The following CTIF variants were observed in gnomAD, a reference collection of about 807,000 sequenced individuals.
CTIF encodes cap binding complex dependent translation initiation factor.
A neutral mutation model predicts 66.0 loss-of-function variants in CTIF; 21 were observed. The ratio of observed to expected loss-of-function variants is 0.32; its 90% CI spans 0.23 to 0.46. The LOEUF is 0.46. Ranked by LOEUF, CTIF falls within the 20% of genes least tolerant of loss-of-function variation. The pLI, the probability that CTIF is intolerant of heterozygous loss-of-function variation, is 1.00. For synonymous variants in CTIF, 345 were observed against 326.4 expected (o/e 1.06, Z -0.62); for missense variants, 739 against 812.7 (o/e 0.91, Z 1.10).
At chr18:48,710,901 G>A (rs1251469461) in intron 6 of CTIF, among the ~76,000 whole-genome samples, 14 of 152,170 alleles carry the variant, frequency 9.2e-5, no homozygotes, top group Admixed American at 8.5e-4. Context: ...GAGCTCAGGA[G>A]GTCAAGGCTG....
At chr18:48,830,553 A>G (rs1226555723) in intron 10 of CTIF, among the ~76,000 whole-genome samples, 2 of 152,212 alleles carry the variant, frequency 1.3e-5, no homozygotes, top group Non-Finnish European at 2.9e-5. Flanking sequence ...AAACAAAGAC[A>G]TGAAATAAAA....
intron 10 of CTIF, among the ~76,000 whole-genome samples, chr18:48,828,768 G>A (rs1235413340): frequency 2.6e-5 from 4 of 152,212 alleles, no homozygotes; most frequent in African/African-American, 7.2e-5. Context: ...ATAAATCCCT[G>A]TTCTCTGCGT....
At chr18:48,679,036 T>C (rs980607131) in intron 6 of CTIF, among the ~76,000 whole-genome samples, 1 of 152,248 alleles carries the variant, frequency 6.6e-6, no homozygotes, top group Non-Finnish European at 1.5e-5. Flanking sequence ...GCCTAAAATA[T>C]TGACTCTCTG....
chr18:48,707,830 T>C (rs913276339), intron 6 of CTIF, among the ~76,000 whole-genome samples: 22 of 152,210 alleles, frequency 1.4e-4, no homozygotes, highest in Non-Finnish European at 3.2e-4. Flanking sequence ...AACGTTGTTA[T>C]CACCACAGAA....
rs1381238054 is a variant in CTIF, at chr18:48,758,017, AG to A, written c.689del (p.Gly230AlafsTer26). ...AACAGGGACCACCAGAAATCCTACC[AG>A]GGGGGCTCAGCACCCCACCCCTCAG... ...KHNRDHQKSY[Q>X]GGSAPHPSGR... On this transcript the variant is annotated frameshift_variant, in exon 8 of 12. Coordinates refer to ENST00000256413, the MANE Select transcript of CTIF (RefSeq NM_014772.3). LOFTEE classifies it high-confidence loss of function. 1 of 1,613,972 alleles carries A rather than the reference AG, an allele frequency of 6.2e-7. No individual in the cohort carries two copies. The highest frequency in any genetic ancestry group is 1.7e-5 in the Admixed American group (1 of 60,016).
At chr18:48,789,928 G>T (rs2067755988) in intron 9 of CTIF, among the ~76,000 whole-genome samples, 1 of 152,222 alleles carries the variant, frequency 6.6e-6, no homozygotes, top group Non-Finnish European at 1.5e-5. Context: ...TTGAATGCTG[G>T]CTTTGCCACC....
intron 10 of CTIF, among the ~76,000 whole-genome samples, chr18:48,849,007 C>T (rs907817235): frequency 4.6e-5 from 7 of 152,304 alleles, no homozygotes; most frequent in African/African-American, 1.2e-4. Context: ...TGCCCCAGCC[C>T]GCCCACATCC....
intron 8 of CTIF, among the ~76,000 whole-genome samples, chr18:48,759,835 A>G (rs891140916): frequency 1.3e-5 from 2 of 152,184 alleles, no homozygotes; most frequent in African/African-American, 4.8e-5. Context: ...TATAGCACCT[A>G]TAGATCAGTT....
intron 1 of CTIF, among the ~76,000 whole-genome samples, chr18:48,599,635 G>A (rs2090053861): frequency 6.6e-6 from 1 of 152,146 alleles, no homozygotes; most frequent in Non-Finnish European, 1.5e-5. Flanking sequence ...GCTGAGTGTG[G>A]GCACGTCTTA....
At chr18:48,573,510 A>G (rs914855953) in intron 1 of CTIF, among the ~76,000 whole-genome samples, 1 of 152,254 alleles carries the variant, frequency 6.6e-6, no homozygotes, top group Non-Finnish European at 1.5e-5. Context: ...TTTTAAAAAC[A>G]TACCAACAAA....
At chr18:48,600,713 C>T (rs759892718) in intron 1 of CTIF, among the ~76,000 whole-genome samples, 6 of 152,098 alleles carry the variant, frequency 3.9e-5, no homozygotes, top group Non-Finnish European at 5.9e-5. Flanking sequence ...ATAAATCAGA[C>T]TGGAATGCTG....
At chr18:48,811,534 T>G (rs1304556753) in intron 9 of CTIF, among the ~76,000 whole-genome samples, 1 of 152,218 alleles carries the variant, frequency 6.6e-6, no homozygotes, top group African/African-American at 2.4e-5. Flanking sequence ...CTTGCAAGAC[T>G]GAAACTCTCT....
intron 2 of CTIF, among the ~76,000 whole-genome samples, chr18:48,625,943 C>T (rs1283538185): frequency 1.3e-5 from 2 of 151,948 alleles, no homozygotes; most frequent in Admixed American, 6.5e-5. Context: ...CATACTGCCA[C>T]CAGTGTATTG....
At chr18:48,698,104 T>TAAA (rs527429582) in intron 6 of CTIF, among the ~76,000 whole-genome samples, 1 of 13,068 alleles carries the variant, frequency 7.7e-5, no homozygotes, top group African/African-American at 1.7e-4. Context: ...TAGCCATCAT[T>TAAA]AAAAAAAAAA....
chr18:48,803,078 C>T lies in CTIF; in HGVS notation c.1372-14143C>T, dbSNP rs556221143. ...TCAGCTTCTCTCTGCTGCAACCCAG[C>T]GCCATCCCCCCGCCTCCCTGTCCCC... is the stretch of plus-strand genomic sequence containing the variant. On this transcript the variant is annotated intron_variant, in intron 9 of 11. Transcript: ENST00000256413. Among the ~76,000 whole-genome samples, 15 of 152,358 alleles carry T rather than the reference C, an allele frequency of 9.8e-5. 1 individual carries two copies. The highest frequency in any genetic ancestry group is 3.1e-4 in the African/African-American group (13 of 41,590).
chr18:48,720,312 A>G (rs1311255197), intron 7 of CTIF, among the ~76,000 whole-genome samples: 1 of 152,184 alleles, frequency 6.6e-6, no homozygotes, highest in African/African-American at 2.4e-5. Flanking sequence ...ATTGTCCTGC[A>G]TGGTTTGACT....
At chr18:48,675,195 C>G (rs1393880730) in intron 6 of CTIF, among the ~76,000 whole-genome samples, 1 of 152,192 alleles carries the variant, frequency 6.6e-6, no homozygotes, top group African/African-American at 2.4e-5. Context: ...GACTGCAGTT[C>G]TAGGGGACCC....
At chr18:48,557,053 T>C (rs1211822207) in intron 1 of CTIF, among the ~76,000 whole-genome samples, 2 of 152,036 alleles carry the variant, frequency 1.3e-5, no homozygotes, top group African/African-American at 4.8e-5. Flanking sequence ...CTTATGATCA[T>C]AGGCAAATAC....
chr18:48,708,492 T>A (rs2092186994), intron 6 of CTIF, among the ~76,000 whole-genome samples: 1 of 152,198 alleles, frequency 6.6e-6, no homozygotes, highest in South Asian at 2.1e-4. Context: ...AGGTTCCCGG[T>A]GCTGGAAGTT....
Sources: gnomAD v4.1 joint callset for allele counts (sites outside exome capture counted in the v4.1 genomes callset) on GRCh38, gnomAD v4.1.1 for gene constraint, MANE v1.5 for transcripts, NCBI Gene and HGNC (gene_info 2026-07-23, HGNC 2026-07-21) for gene names.